Variants in WAC observed in about 807,000 individuals in gnomAD.
WAC encodes WW domain containing adaptor with coiled-coil.
Under a neutral mutation model 79.6 loss-of-function variants are expected in WAC, and 11 were observed. That is an observed-to-expected ratio of 0.14 (90% CI 0.09 to 0.23). The LOEUF (loss-of-function observed/expected upper bound fraction) is 0.23, where lower values mean the gene tolerates loss of function less well. WAC is among the 10% of genes least tolerant of loss of function. The pLI is 1.00. For synonymous variants in WAC, 304 were observed against 276.9 expected (o/e 1.10, Z -0.97); for missense variants, 728 against 773.5 (o/e 0.94, Z 0.70).
chr10:28,605,019 T>C (rs993856453), intron 7 of WAC, among the ~76,000 whole-genome samples: 4 of 152,216 alleles, frequency 2.6e-5, no homozygotes, highest in South Asian at 2.1e-4. Context: ...ATAAGAAATA[T>C]GTAAATAACT....
At chr10:28,592,962 A>T (rs1840175028) in intron 6 of WAC, among the ~76,000 whole-genome samples, 1 of 152,208 alleles carries the variant, frequency 6.6e-6, no homozygotes, top group Non-Finnish European at 1.5e-5. Context: ...ATTGACAAAT[A>T]ATCCCCTATC....
chr10:28,544,703 C>T (rs1187511427), intron 3 of WAC, among the ~76,000 whole-genome samples: 1 of 152,116 alleles, frequency 6.6e-6, no homozygotes, highest in African/African-American at 2.4e-5. Flanking sequence ...AACATTCTAA[C>T]TTGGAACTTG....
chr10:28,591,060 A>G (rs745588012), intron 6 of WAC: 2 of 423,646 alleles, frequency 4.7e-6, no homozygotes, highest in Admixed American at 4.4e-5. Flanking sequence ...TTATGGCTAT[A>G]ATGGAGTTGA....
At chr10:28,547,750 T>C (rs1837432992) in intron 3 of WAC, among the ~76,000 whole-genome samples, 1 of 152,102 alleles carries the variant, frequency 6.6e-6, no homozygotes, top group Admixed American at 6.6e-5. Context: ...GATGTATGAC[T>C]CCTAATTTAC....
chr10:28,558,091 A>G (rs1176504364), intron 3 of WAC, among the ~76,000 whole-genome samples: 1 of 151,526 alleles, frequency 6.6e-6, no homozygotes, highest in Non-Finnish European at 1.5e-5. Context: ...AAAAGAAAAT[A>G]CTCTTAGAGT....
At chr10:28,572,977 A>G (rs917096432) in intron 3 of WAC, among the ~76,000 whole-genome samples, 6 of 152,196 alleles carry the variant, frequency 3.9e-5, no homozygotes, top group Non-Finnish European at 8.8e-5. Context: ...TTATTTGACA[A>G]GTGACCACAG....
At chr10:28,534,689 A>G (rs1267317075) in intron 2 of WAC, among the ~76,000 whole-genome samples, 2 of 152,352 alleles carry the variant, frequency 1.3e-5, no homozygotes, top group African/African-American at 2.4e-5. Context: ...CCCAATTTTC[A>G]GGAGGGAAAC....
chr10:28,560,807 G>C (rs1057228960), intron 3 of WAC, among the ~76,000 whole-genome samples: 3 of 152,186 alleles, frequency 2.0e-5, no homozygotes, highest in Non-Finnish European at 4.4e-5. Flanking sequence ...TGGAAGTGAA[G>C]GGGTGTTGCC....
chr10:28,553,789 T>C lies in WAC; in HGVS notation c.274+18032T>C, dbSNP rs139277952. ...AGGATGGTTGTGTCTTTACTGAACA[T>C]GTACAGACTTCTTTTTTATTCCCTA... On this transcript the variant is annotated intron_variant, in intron 3 of 13. Coordinates refer to ENST00000354911, the MANE Select transcript of WAC (RefSeq NM_016628.5). Among the ~76,000 whole-genome samples the C allele has an allele frequency of 2.8e-3, 433 of 152,334 alleles. 3 individuals are homozygous for C. Among genetic ancestry groups the C allele is most frequent in the Non-Finnish European group, 4.4e-3 (302 of 68,022 alleles).
intron 3 of WAC, among the ~76,000 whole-genome samples, chr10:28,563,023 G>T (rs1838382454): frequency 6.6e-6 from 1 of 152,094 alleles, no homozygotes; most frequent in African/African-American, 2.4e-5. Context: ...AAACTCTTTG[G>T]AGTTAGGTAC....
At chr10:28,596,129 C>A in intron 7 of WAC, 88 bp downstream of exon 7, 1 of 1,353,930 alleles carries the variant, frequency 7.4e-7, no homozygotes, top group Non-Finnish European at 9.9e-7. Flanking sequence ...TTTCCTTTGG[C>A]TCTGAATTAT....
chr10:28,560,144 C>T (rs1480496421), intron 3 of WAC, among the ~76,000 whole-genome samples: 3 of 151,914 alleles, frequency 2.0e-5, no homozygotes, highest in African/African-American at 7.3e-5. Flanking sequence ...GAGTTCGAGA[C>T]CAGGCTAGGC....
chr10:28,590,004 CAT>C (rs1469972295), intron 5 of WAC, among the ~76,000 whole-genome samples, 153 bp downstream of exon 5: 1 of 152,094 alleles, frequency 6.6e-6, no homozygotes, highest in East Asian at 1.9e-4. Flanking sequence ...TCGTGTTTTC[CAT>C]AGTTTGTCTT....
Position 28,622,504 on chromosome 10 carries a change from A to G in WAC, c.*2898A>G, listed in dbSNP as rs966715044. 2 of 138,954 alleles carry G rather than the reference A, an allele frequency of 1.4e-5. No individual in the cohort carries two copies. The highest frequency in any genetic ancestry group is 5.4e-5 in the African/African-American group (2 of 36,758). 8.6% of individuals were successfully genotyped at this position (138,954 alleles called of 1,614,324 possible). ...TAAAATGTCGTGGTATTGTAACAAT[A>G]TATTTGATGAAAGAAGGTTACAGAC... On this transcript the variant is annotated 3_prime_UTR_variant, in exon 14 of 14. Coordinates refer to ENST00000354911, the MANE Select transcript of WAC (RefSeq NM_016628.5).
At chr10:28,581,531 A>G (rs992951956) in intron 3 of WAC, among the ~76,000 whole-genome samples, 1 of 151,888 alleles carries the variant, frequency 6.6e-6, no homozygotes, top group African/African-American at 2.4e-5. Context: ...CTTTTCCTGT[A>G]TACTCAGCCT....
At chr10:28,617,578 T>C (rs1017966267) in intron 12 of WAC, 79 bp from the exon 13 acceptor site, 15 of 1,306,718 alleles carry the variant, frequency 1.1e-5, no homozygotes, top group African/African-American at 1.6e-5. Context: ...TAGTATAAAA[T>C]TGTACTCAGA....
rs1324869172 is a variant in WAC, at chr10:28,622,226, T to A, written c.*2620T>A. 1 of 152,182 alleles carries A rather than the reference T, an allele frequency of 6.6e-6. No homozygotes were observed. The highest frequency in any genetic ancestry group is 6.5e-5 in the Admixed American group (1 of 15,280). 9.4% of individuals were successfully genotyped at this position (152,182 alleles called of 1,614,324 possible). ...AATCTAAAATTTTGTGGAAATATTT[T>A]AAATATTGCACCTTAATACAAGGTA... is the stretch of plus-strand genomic sequence containing the variant. On this transcript the variant is annotated 3_prime_UTR_variant, in exon 14 of 14. Transcript: ENST00000354911.
intron 3 of WAC, among the ~76,000 whole-genome samples, chr10:28,543,310 C>A (rs978962826): frequency 3.7e-4 from 53 of 144,788 alleles, no homozygotes; most frequent in African/African-American, 1.3e-3. Context: ...AAAAATGATT[C>A]AATTTTAGTA....
chr10:28,562,135 G>A (rs1341630666), intron 3 of WAC, among the ~76,000 whole-genome samples: 2 of 152,112 alleles, frequency 1.3e-5, no homozygotes, highest in African/African-American at 4.8e-5. Flanking sequence ...TTGGTTCACT[G>A]CAACTTTGCC....
Sources: gnomAD v4.1 joint callset for allele counts (sites outside exome capture counted in the v4.1 genomes callset) on GRCh38, gnomAD v4.1.1 for gene constraint, MANE v1.5 for transcripts, NCBI Gene and HGNC (gene_info 2026-07-23, HGNC 2026-07-21) for gene names.